CDC73: variants seen among roughly 807,000 people sequenced by gnomAD.
The protein encoded by CDC73 is cell division cycle 73.
CDC73 carries 21 observed loss-of-function variants against 83.7 expected under a neutral mutation model. That is an observed-to-expected ratio of 0.25 (90% confidence interval 0.18 to 0.36). The LOEUF is 0.36. Ranked by LOEUF, CDC73 falls within the 10% of genes least tolerant of loss-of-function variation. The pLI is 1.00. For synonymous variants in CDC73, 224 were observed against 212.9 expected (o/e 1.05, Z -0.45); for missense variants, 342 against 653.3 (o/e 0.52, Z 5.19).
At chr1:193,172,989 A>G (rs1223013820) in intron 10 of CDC73, among the ~76,000 whole-genome samples, 1 of 152,216 alleles carries the variant, frequency 6.6e-6, no homozygotes, top group African/African-American at 2.4e-5. Context: ...TACTATAGCA[A>G]GTTTTAGGGA....
chr1:193,246,697 G>C (rs1677960721), intron 15 of CDC73, among the ~76,000 whole-genome samples: 1 of 151,876 alleles, frequency 6.6e-6, no homozygotes, highest in South Asian at 2.1e-4. Context: ...TATATATTCT[G>C]TTCTATTGAA....
At chr1:193,224,549 C>CATGTGAAATATGCATTCACATATACACAT in intron 13 of CDC73, among the ~76,000 whole-genome samples, 2 of 151,550 alleles carry the variant, frequency 1.3e-5, no homozygotes, top group African/African-American at 4.8e-5. Flanking sequence ...CACATATACA[C>CATGTGAAATATGCATTCACATATACACAT]ATGTGAAATA....
In CDC73 at chr1:193,212,524, A is replaced by T. The variant is rs757054031; in HGVS notation, c.1154+47A>T. The T allele has an allele frequency of 1.3e-5, 16 of 1,220,686 alleles. No homozygotes were observed. In the Admixed American group the frequency reaches 2.9e-4, roughly 22 times the overall value. 75.6% of individuals were successfully genotyped at this position (1,220,686 alleles called of 1,614,324 possible). A position where few individuals can be genotyped will look rare whatever the true frequency, so the allele number is the denominator to read the frequency against. ...CCTGTACGTAGGATATTGAGATACC[A>T]TTGGAAAATAGTAGTTACTGAATCA... On this transcript the variant is annotated intron_variant, in intron 13 of 16. Coordinates refer to ENST00000367435, the MANE Select transcript of CDC73 (RefSeq NM_024529.5).
chr1:193,145,676 G>A (rs985684344), intron 7 of CDC73, among the ~76,000 whole-genome samples: 1 of 151,926 alleles, frequency 6.6e-6, no homozygotes, highest in African/African-American at 2.4e-5. Flanking sequence ...AAAGCTCTTT[G>A]GGGTGCTCAG....
intron 14 of CDC73, among the ~76,000 whole-genome samples, chr1:193,235,306 G>C (rs1677737873): frequency 6.6e-6 from 1 of 151,840 alleles, no homozygotes. Context: ...TCTCCAACAT[G>C]CCCATGCACT....
At chr1:193,166,737 A>G (rs1384493880) in intron 10 of CDC73, among the ~76,000 whole-genome samples, 1 of 150,534 alleles carries the variant, frequency 6.6e-6, no homozygotes, top group Non-Finnish European at 1.5e-5. Flanking sequence ...ACCTCTGCAT[A>G]CCAGGTTCAA....
At chr1:193,220,722 G>T (rs1268260382) in intron 13 of CDC73, among the ~76,000 whole-genome samples, 1 of 152,062 alleles carries the variant, frequency 6.6e-6, no homozygotes, top group African/African-American at 2.4e-5. Context: ...TTCATTAATA[G>T]TGTGGCTTTT....
intron 15 of CDC73, among the ~76,000 whole-genome samples, chr1:193,240,549 A>G (rs2102065748): frequency 6.6e-6 from 1 of 152,182 alleles, no homozygotes; most frequent in Middle Eastern, 3.4e-3. Flanking sequence ...TAACCCTTCT[A>G]ATTGGGGTAA....
At chr1:193,196,069 A>C (rs796985683) in intron 10 of CDC73, among the ~76,000 whole-genome samples, 1 of 152,176 alleles carries the variant, frequency 6.6e-6, no homozygotes, top group African/African-American at 2.4e-5. Context: ...TCAGTGCTAA[A>C]TTCAGTTTCA....
At chr1:193,173,412 CTG>C (rs919750806) in intron 10 of CDC73, among the ~76,000 whole-genome samples, 3 of 152,066 alleles carry the variant, frequency 2.0e-5, no homozygotes, top group African/African-American at 4.8e-5. Flanking sequence ...AATCTAAACA[CTG>C]TGATTTTGTT....
At position 193,236,305 on chromosome 1, in the gene CDC73, G is replaced by A. The variant is rs2102061851; in HGVS notation, c.1366G>A (p.Gly456Ser). 1 of 1,614,040 alleles carries A rather than the reference G, an allele frequency of 6.2e-7. No homozygotes were observed. Among genetic ancestry groups the A allele is most frequent in the Non-Finnish European group, 8.5e-7 (1 of 1,179,910 alleles). The change falls in exon 15 of 17, where the codon GGT (glycine) becomes AGT (serine). Residue 456 changes from glycine to serine, a missense_variant. Transcript: ENST00000367435. Reference protein sequence around the residue: ...FVQGPAWQFKGWPWLLPDGSP... With the variant: ...FVQGPAWQFKSWPWLLPDGSP... ...GCAGGGTCCTGCATGGCAGTTCAAA[G>A]GTTGGCCATGGCTTTTGCCTGATGG...
At chr1:193,169,598 AT>A (rs1440585878) in intron 10 of CDC73, among the ~76,000 whole-genome samples, 1 of 152,204 alleles carries the variant, frequency 6.6e-6, no homozygotes, top group Non-Finnish European at 1.5e-5. Flanking sequence ...ATAATGGCTG[AT>A]GCCTATGTAC....
chr1:193,223,664 T>A (rs1677510980), intron 13 of CDC73, among the ~76,000 whole-genome samples: 1 of 152,116 alleles, frequency 6.6e-6, no homozygotes, highest in Non-Finnish European at 1.5e-5. Flanking sequence ...GAATTTGGAC[T>A]TATTTTCTAT....
chr1:193,201,085 A>G (rs894861914), intron 10 of CDC73, among the ~76,000 whole-genome samples: 1 of 69,828 alleles, frequency 1.4e-5, no homozygotes, highest in African/African-American at 5.5e-5. Flanking sequence ...TTGTATGTGT[A>G]TTGGCGGGGG....
intron 13 of CDC73, among the ~76,000 whole-genome samples, chr1:193,227,357 C>T (rs934274087): frequency 6.6e-6 from 1 of 151,862 alleles, no homozygotes; most frequent in Admixed American, 6.6e-5. Flanking sequence ...CCAGGTCTGG[C>T]GTGGTGCCTC....
At chr1:193,249,967 C>A in intron 16 of CDC73, 96 bp downstream of exon 16, 1 of 1,122,120 alleles carries the variant, frequency 8.9e-7, no homozygotes, top group Non-Finnish European at 1.4e-6. Flanking sequence ...GTCTTATTCC[C>A]TAATTCCCTT....
intron 15 of CDC73, among the ~76,000 whole-genome samples, chr1:193,237,488 A>T (rs1418704334): frequency 2.0e-5 from 3 of 152,174 alleles, no homozygotes; most frequent in African/African-American, 7.2e-5. Context: ...CCGGAGCCTG[A>T]TAGCAAAGAT....
rs186705852 is a variant in CDC73 at position 193,230,715 on chromosome 1, T to A, written c.1155-2278T>A. The stretch of plus-strand genomic sequence containing the variant: ...TTCCTTTCATAGTGGTACAATATAA[T>A]GGTGTAGCTCACAATCATTGTGTCT... On this transcript the variant is annotated intron_variant, in intron 13 of 16. Coordinates refer to ENST00000367435, the MANE Select transcript of CDC73 (RefSeq NM_024529.5). Among the ~76,000 whole-genome samples, 19 of 152,198 alleles carry A rather than the reference T, an allele frequency of 1.2e-4. No homozygotes were observed. The East Asian group carries it at 3.3e-3, about 26-fold the overall frequency.
chr1:193,125,859 C>T (rs1248775754), intron 2 of CDC73, among the ~76,000 whole-genome samples: 1 of 151,694 alleles, frequency 6.6e-6, no homozygotes, highest in African/African-American at 2.4e-5. Flanking sequence ...GTATGAGTGT[C>T]TCCAGGAGAG....
Sources: gnomAD v4.1 joint callset for allele counts (sites outside exome capture counted in the v4.1 genomes callset) on GRCh38, gnomAD v4.1.1 for gene constraint, MANE v1.5 for transcripts, NCBI Gene and HGNC (gene_info 2026-07-23, HGNC 2026-07-21) for gene names.